Variants in DDC observed in about 807,000 individuals in gnomAD.
DDC encodes the protein dopa decarboxylase.
DDC carries 43 observed loss-of-function variants against 60.0 expected under a neutral mutation model. That is an observed-to-expected ratio of 0.72 (90% CI 0.56 to 0.92). The LOEUF is 0.92. Among genes scored for constraint, DDC ranks in the 40% least tolerant of loss-of-function variants. The pLI is 0.00. For missense variants in DDC, 573 were observed against 620.2 expected, an observed-to-expected ratio of 0.92 and a Z score of 0.81; for synonymous variants, 232 against 234.6, an observed-to-expected ratio of 0.99 and a Z score of 0.10.
intron 6 of DDC, 61 bp from the exon 7 acceptor site, chr7:50,504,120 C>T (rs1354759127): frequency 1.6e-6 from 2 of 1,216,518 alleles, no homozygotes; most frequent in African/African-American, 3.0e-5. Flanking sequence ...CTGTAACCTC[C>T]ACACAAGCAA....
At chr7:50,551,965 G>A (rs984643805) in intron 1 of DDC, among the ~76,000 whole-genome samples, 20 of 152,110 alleles carry the variant, frequency 1.3e-4, no homozygotes, top group Admixed American at 1.2e-3. Flanking sequence ...TCAGAAAGAC[G>A]CTCAGCTTCT....
intron 1 of DDC, among the ~76,000 whole-genome samples, chr7:50,554,197 A>G (rs1008579503): frequency 6.6e-6 from 1 of 152,150 alleles, no homozygotes; most frequent in South Asian, 2.1e-4. Context: ...GCAAGAATGC[A>G]TGCAAATACC....
intron 6 of DDC, among the ~76,000 whole-genome samples, chr7:50,519,065 C>G (rs1401983804): frequency 2.6e-5 from 4 of 152,126 alleles, no homozygotes; most frequent in African/African-American, 9.7e-5. Context: ...ACAATCCCAT[C>G]AAAAACTGGG....
At chr7:50,519,907 C>T (rs536392211) in intron 6 of DDC, among the ~76,000 whole-genome samples, 1 of 152,122 alleles carries the variant, frequency 6.6e-6, no homozygotes, top group African/African-American at 2.4e-5. Flanking sequence ...AAGTTTACAC[C>T]TAAGGCCAAT....
chr7:50,492,874 G>A, intron 9 of DDC: 1 of 1,580,824 alleles, frequency 6.3e-7, no homozygotes, highest in Non-Finnish European at 8.5e-7. Flanking sequence ...CAGCTCTGCA[G>A]CGTCTGCGGC....
At chr7:50,515,047 T>TA (rs1241319305) in intron 6 of DDC, among the ~76,000 whole-genome samples, 1 of 152,022 alleles carries the variant, frequency 6.6e-6, no homozygotes, top group Non-Finnish European at 1.5e-5. Context: ...GCCATCCAAA[T>TA]ACAAGAAGCA....
chr7:50,560,445 C>T (rs191266235), intron 1 of DDC, among the ~76,000 whole-genome samples: 37 of 152,266 alleles, frequency 2.4e-4, no homozygotes, highest in Admixed American at 2.1e-3. Flanking sequence ...TATTGAGCAC[C>T]TATTGTGTGC....
intron 1 of DDC, among the ~76,000 whole-genome samples, chr7:50,562,623 C>G (rs2045366727): frequency 6.6e-6 from 1 of 152,188 alleles, no homozygotes; most frequent in Non-Finnish European, 1.5e-5. Context: ...AGAAAGAGCC[C>G]TGGTCAGGGA....
chr7:50,515,250 T>C (rs1387527570), intron 6 of DDC, among the ~76,000 whole-genome samples: 1 of 152,198 alleles, frequency 6.6e-6, no homozygotes. Flanking sequence ...TGGGACCCTA[T>C]CTTCAGCCTC....
chr7:50,492,517 T>C (rs753030750), intron 9 of DDC: 4 of 194,068 alleles, frequency 2.1e-5, no homozygotes, highest in Admixed American at 5.7e-5. Flanking sequence ...TTCAAGCCCA[T>C]AGGAAGGTAA....
intron 14 of DDC, among the ~76,000 whole-genome samples, chr7:50,459,168 G>A (rs568850859): frequency 5.9e-5 from 9 of 152,322 alleles, no homozygotes; most frequent in African/African-American, 1.4e-4. Context: ...TGTGTTGGCC[G>A]GGCTGGTCTC....
intron 9 of DDC, chr7:50,493,139 G>T: frequency 1.3e-6 from 1 of 746,378 alleles, no homozygotes; most frequent in Non-Finnish European, 2.3e-6. Flanking sequence ...GCGTGGCAAT[G>T]TCTGTGTCCC....
chr7:50,484,202 C>A (rs1041663938), intron 9 of DDC, among the ~76,000 whole-genome samples: 16 of 152,294 alleles, frequency 1.1e-4, no homozygotes, highest in Middle Eastern at 6.8e-3. Flanking sequence ...TTCCAGAGAT[C>A]GTTTATGTAA....
intron 13 of DDC, among the ~76,000 whole-genome samples, chr7:50,466,394 A>T (rs1033043182): frequency 2.0e-5 from 3 of 149,366 alleles, no homozygotes; most frequent in Non-Finnish European, 3.0e-5. Flanking sequence ...CTGAAGCAGG[A>T]GAATCACTTG....
chr7:50,509,454 T>C (rs1262984112), intron 6 of DDC, among the ~76,000 whole-genome samples: 1 of 152,180 alleles, frequency 6.6e-6, no homozygotes, highest in African/African-American at 2.4e-5. Flanking sequence ...TAAATCTCTC[T>C]CTCAGCACAT....
chr7:50,557,449 G>T (rs531889605), intron 1 of DDC, among the ~76,000 whole-genome samples: 31 of 152,328 alleles, frequency 2.0e-4, no homozygotes, highest in African/African-American at 7.2e-4. Context: ...GAAACTGATT[G>T]ATATTATTCC....
chr7:50,559,694 T>C (rs1028109579), intron 1 of DDC, among the ~76,000 whole-genome samples: 3 of 152,202 alleles, frequency 2.0e-5, no homozygotes, highest in Non-Finnish European at 2.9e-5. Context: ...TCCCAAAGTG[T>C]TGGGATTACA....
chr7:50,490,629 C>T (rs1175656001), intron 9 of DDC, among the ~76,000 whole-genome samples: 1 of 151,834 alleles, frequency 6.6e-6, no homozygotes, highest in Non-Finnish European at 1.5e-5. Context: ...GAGATCATGC[C>T]ACTGAGCCGA....
intron 5 of DDC, 55 bp downstream of exon 5, chr7:50,529,153 A>G: frequency 6.2e-7 from 1 of 1,609,576 alleles, no homozygotes; most frequent in Non-Finnish European, 8.5e-7. Context: ...AATTTGACAT[A>G]AAACCAAACA....
Sources: gnomAD v4.1 joint callset for allele counts (sites outside exome capture counted in the v4.1 genomes callset) on GRCh38, gnomAD v4.1.1 for gene constraint, MANE v1.5 for transcripts, NCBI Gene and HGNC (gene_info 2026-07-23, HGNC 2026-07-21) for gene names.